The following SRGAP1 variants were observed in gnomAD, a reference collection of about 807,000 sequenced individuals.
SRGAP1 encodes the protein SLIT-ROBO Rho GTPase activating protein 1, also known as SLIT-ROBO Rho GTPase-activating protein 1.
SRGAP1 carries 43 observed loss-of-function variants against 121.9 expected under a neutral mutation model. That is an observed-to-expected ratio of 0.35 (90% confidence interval 0.28 to 0.46). The LOEUF is 0.46. SRGAP1 is among the 20% of genes least tolerant of loss of function. The pLI is 1.00. For missense variants in SRGAP1, 1,102 were observed against 1,350.9 expected, an observed-to-expected ratio of 0.82 and a Z score of 2.89; for synonymous variants, 447 against 485.4, an observed-to-expected ratio of 0.92 and a Z score of 1.04.
intron 1 of SRGAP1, among the ~76,000 whole-genome samples, chr12:63,949,392 A>T (rs1592973632): frequency 3.0e-5 from 3 of 99,724 alleles, no homozygotes; most frequent in South Asian, 3.4e-4. Context: ...AGACATTTTT[A>T]TTATTTATTA....
chr12:64,031,851 G>T (rs1383285010), intron 4 of SRGAP1, among the ~76,000 whole-genome samples: 1 of 152,138 alleles, frequency 6.6e-6, no homozygotes, highest in Non-Finnish European at 1.5e-5. Context: ...TTTTGATCCT[G>T]TAGAGAGACC....
At chr12:64,135,691 A>C (rs1046843148) in intron 21 of SRGAP1, among the ~76,000 whole-genome samples, 1 of 152,190 alleles carries the variant, frequency 6.6e-6, no homozygotes, top group African/African-American at 2.4e-5. Context: ...TAAAGTCCTT[A>C]GTATTTTTTG....
chr12:63,864,788 A>T (rs1376556603), intron 1 of SRGAP1, among the ~76,000 whole-genome samples: 1 of 152,186 alleles, frequency 6.6e-6, no homozygotes, highest in Non-Finnish European at 1.5e-5. Context: ...GGATCCTGCG[A>T]CAGGAAAAGA....
chr12:63,940,434 G>A (rs1592964328), intron 1 of SRGAP1, among the ~76,000 whole-genome samples: 1 of 150,588 alleles, frequency 6.6e-6, no homozygotes, highest in Non-Finnish European at 1.5e-5. Flanking sequence ...GAGCAGAATA[G>A]CTATGATCAA....
intron 9 of SRGAP1, among the ~76,000 whole-genome samples, chr12:64,079,627 A>C (rs190627745): frequency 2.0e-5 from 3 of 152,130 alleles, no homozygotes; most frequent in Admixed American, 2.0e-4. Flanking sequence ...CAGAGGTTGC[A>C]GTGAGCTGAG....
At chr12:64,078,879 A>C in intron 8 of SRGAP1, 40 bp from the exon 9 acceptor site, 1 of 1,595,572 alleles carries the variant, frequency 6.3e-7, no homozygotes, top group Non-Finnish European at 8.5e-7. Flanking sequence ...GGGATTCATG[A>C]AATAATGTAC....
chr12:64,047,423 T>G (rs1593075631), intron 6 of SRGAP1, among the ~76,000 whole-genome samples: 2 of 152,176 alleles, frequency 1.3e-5, no homozygotes, highest in Non-Finnish European at 2.9e-5. Context: ...TCTTCATGCT[T>G]TGTGAGTTTA....
intron 1 of SRGAP1, among the ~76,000 whole-genome samples, chr12:63,848,414 G>A (rs990162594): frequency 6.6e-6 from 1 of 152,010 alleles, no homozygotes; most frequent in Non-Finnish European, 1.5e-5. Context: ...GTGATAATTC[G>A]TAATTTTATG....
intron 4 of SRGAP1, chr12:64,032,404 T>G (rs2034800984): frequency 3.5e-6 from 2 of 572,482 alleles, no homozygotes; most frequent in African/African-American, 3.9e-5. Flanking sequence ...TTAAAAACTC[T>G]GCCTCATCAG....
At position 64,131,094 on chromosome 12, in the gene SRGAP1, A is replaced by C. The variant is rs371806064; in HGVS notation, c.2880+2894A>C. ...AACCTCCATCCCTGCCACTATGGCC[A>C]CTTTGTTCATGGGCCCATTGAGCAA... is the stretch of plus-strand genomic sequence containing the variant. On this transcript the variant is annotated intron_variant, in intron 21 of 21. Transcript: ENST00000355086. 5.3e-5 allele frequency among the ~76,000 whole-genome samples: 8 copies of C among 152,296 alleles called. No homozygotes were observed. The East Asian group carries it at 1.2e-3, about 22-fold the overall frequency.
intron 6 of SRGAP1, among the ~76,000 whole-genome samples, chr12:64,051,672 T>C (rs2035241740): frequency 6.6e-6 from 1 of 152,178 alleles, no homozygotes; most frequent in Non-Finnish European, 1.5e-5. Flanking sequence ...GGTGATCTAA[T>C]GGTTTTAAAA....
At position 64,079,002 on chromosome 12, in the gene SRGAP1, GCA is replaced by G; in HGVS notation, c.1212_1213del (p.His404GlnfsTer13). On this transcript the variant is annotated frameshift_variant, in exon 9 of 22. Transcript: ENST00000355086. LOFTEE classifies it high-confidence loss of function. ...ACTATGATGTTTCTGAATGCTTCCAGCACAGTCGTTCCACAGAATCAGTGAAG... is the reference window on the plus strand; with the variant it reads ...ACTATGATGTTTCTGAATGCTTCCAGCAGTCGTTCCACAGAATCAGTGAAG... ...EDYDVSECFQ[H>X]SRSTESVKST... 1 of 1,614,092 alleles carries G rather than the reference GCA, an allele frequency of 6.2e-7. No homozygotes were observed. Among genetic ancestry groups the G allele is most frequent in the Non-Finnish European group, 8.5e-7 (1 of 1,179,984 alleles).
chr12:64,048,292 G>A (rs2035174143), intron 6 of SRGAP1, among the ~76,000 whole-genome samples: 1 of 152,010 alleles, frequency 6.6e-6, no homozygotes, highest in Non-Finnish European at 1.5e-5. Context: ...TTAACATATT[G>A]TCCTCCAGTT....
intron 1 of SRGAP1, among the ~76,000 whole-genome samples, chr12:63,859,885 A>T (rs1440693923): frequency 1.3e-5 from 2 of 152,184 alleles, no homozygotes; most frequent in Non-Finnish European, 2.9e-5. Context: ...TTTTCCTTAA[A>T]CTACTACCTT....
intron 4 of SRGAP1, among the ~76,000 whole-genome samples, chr12:64,033,440 G>C (rs11175236): frequency 2.0e-5 from 3 of 152,148 alleles, no homozygotes; most frequent in Non-Finnish European, 4.4e-5. Flanking sequence ...TTTGTGGCCA[G>C]GTGTGGTGGC....
intron 1 of SRGAP1, among the ~76,000 whole-genome samples, chr12:63,949,332 G>GTT (rs71434040): frequency 8.0e-6 from 1 of 124,396 alleles, no homozygotes; most frequent in African/African-American, 3.0e-5. Context: ...GTCACAACTT[G>GTT]TTTTTTTTTT....
intron 1 of SRGAP1, among the ~76,000 whole-genome samples, chr12:63,950,275 G>C (rs950738992): frequency 5.9e-5 from 9 of 152,188 alleles, no homozygotes; most frequent in Admixed American, 4.6e-4. Flanking sequence ...GAGGTTTTTA[G>C]ATGTCCAAAA....
At chr12:64,104,914 A>AT (rs1565682843) in intron 15 of SRGAP1, among the ~76,000 whole-genome samples, 3 of 127,030 alleles carry the variant, frequency 2.4e-5, no homozygotes, top group African/African-American at 1.3e-4. Flanking sequence ...TATATATATA[A>AT]AAAATATAAA....
rs556940087 is a variant in SRGAP1, at chr12:64,141,504, C to T, written c.2881-791C>T. 1.2e-4 allele frequency among the ~76,000 whole-genome samples: 18 copies of T among 151,974 alleles called. No individual in the cohort carries two copies. In the South Asian group the frequency reaches 2.5e-3, roughly 21 times the overall value. ...CTGAGGCAGGAGAATTGTTTGAACC[C>T]GGGAGGCAGAGGTTGCAGTGAGCCG... is the stretch of plus-strand genomic sequence containing the variant. On this transcript the variant is annotated intron_variant, in intron 21 of 21. Coordinates refer to ENST00000355086, the MANE Select transcript of SRGAP1 (RefSeq NM_020762.4).
Sources: gnomAD v4.1 joint callset for allele counts (sites outside exome capture counted in the v4.1 genomes callset) on GRCh38, gnomAD v4.1.1 for gene constraint, MANE v1.5 for transcripts, NCBI Gene and HGNC (gene_info 2026-07-23, HGNC 2026-07-21) for gene names.